Variants in GANC observed in about 807,000 individuals in gnomAD.
GANC encodes the protein neutral alpha-glucosidase C.
In GANC, 117 loss-of-function variants were observed where a neutral mutation model predicts 124.2. The observed-to-expected ratio is 0.94, with a 90% CI of 0.81 to 1.10. The LOEUF (loss-of-function observed/expected upper bound fraction) is 1.10. Among genes scored for constraint, GANC ranks in the 50% least tolerant of loss-of-function variants. The pLI is 0.00. For synonymous variants in GANC, 377 were observed against 376.8 expected (o/e 1.00, Z -0.01); for missense variants, 1,140 against 1,095.0 (o/e 1.04, Z -0.58).
At chr15:42,287,331 C>T (rs1195219109) in intron 3 of GANC, among the ~76,000 whole-genome samples, 1 of 152,202 alleles carries the variant, frequency 6.6e-6, no homozygotes. Flanking sequence ...CTTAATGTAT[C>T]TGTAGTTTAT....
chr15:42,352,450 G>C lies in GANC; in HGVS notation c.*311G>C, dbSNP rs115678421. 9.3e-7 allele frequency: 1 copy of C among 1,078,392 alleles called. No homozygotes were observed. The highest frequency in any genetic ancestry group is 4.4e-4 in the Middle Eastern group (1 of 2,268). The allele number at this position is 1,078,392 out of a possible 1,614,324, so 66.8% of individuals were successfully genotyped here. A position where few individuals can be genotyped will look rare whatever the true frequency, so the allele number is the denominator to read the frequency against. ...TCCTTCAGCAGGGCTGCGTGGGTCT[G>C]TTTTAACGTGGGCCAAGCCTACCTG... is the stretch of plus-strand genomic sequence containing the variant. On this transcript the variant is annotated 3_prime_UTR_variant, in exon 24 of 24. Transcript: ENST00000318010.
At chr15:42,347,183 AAAAAAAAAG>A (rs201373755) in intron 20 of GANC, among the ~76,000 whole-genome samples, 12,880 of 151,320 alleles carry the variant, frequency 0.085, 644 homozygotes, top group South Asian at 0.18. Flanking sequence ...TGAAAAAAAA[AAAAAAAAAG>A]AAGAGAGAGA....
At chr15:42,285,964 T>C (rs982309510) in intron 3 of GANC, among the ~76,000 whole-genome samples, 4 of 152,034 alleles carry the variant, frequency 2.6e-5, no homozygotes, top group African/African-American at 4.8e-5. Context: ...GGCTGCAGCC[T>C]CAGGAACAGA....
At chr15:42,335,515 A>C (rs552858135) in intron 15 of GANC, among the ~76,000 whole-genome samples, 8 of 152,336 alleles carry the variant, frequency 5.3e-5, no homozygotes, top group African/African-American at 1.9e-4. Flanking sequence ...CATCATACTA[A>C]ATGGGCAAAA....
At chr15:42,350,022 C>CTTTTTT (rs753077889) in intron 22 of GANC, among the ~76,000 whole-genome samples, 225 of 75,022 alleles carry the variant, frequency 3.0e-3, no homozygotes, top group Middle Eastern at 0.016. Flanking sequence ...CTTTCCCCCA[C>CTTTTTT]TTTTTTTTTT....
intron 18 of GANC, among the ~76,000 whole-genome samples, chr15:42,341,212 C>A (rs2052327541): frequency 6.6e-6 from 1 of 151,786 alleles, no homozygotes; most frequent in Admixed American, 6.6e-5. Context: ...ATTTCTAATG[C>A]ATTATTAGTA....
At chr15:42,332,994 G>A (rs189947544) in intron 15 of GANC, among the ~76,000 whole-genome samples, 61 of 149,454 alleles carry the variant, frequency 4.1e-4, no homozygotes, top group Admixed American at 2.7e-3. Context: ...CTCCAGCCTG[G>A]GCAACAAGAG....
chr15:42,296,691 A>C (rs7177193), intron 5 of GANC, among the ~76,000 whole-genome samples: 148,571 of 152,238 alleles, frequency 0.98, 72,567 homozygotes, highest in Non-Finnish European at 1. Context: ...CCGCACCCAG[A>C]CTCCTTGGGG....
At position 42,310,812 on chromosome 15, in the gene GANC, T is replaced by G. The variant is rs150733805; in HGVS notation, c.1023T>G (p.Pro341=). The G allele has an allele frequency of 3.1e-6, 5 of 1,614,026 alleles. No homozygotes were observed. The African/African-American group carries it at 6.7e-5, about 22-fold the overall frequency. Residue 341 remains proline (P), a synonymous_variant, in exon 10 of 24, where the codon CCT becomes CCG. Transcript: ENST00000318010. The part of the protein sequence containing the change: ...IDVFLLTGPT[P]SDVFKQYSHL... ...TTTTTCTGCTGACAGGACCTACACC[T>G]TCTGATGTCTTCAAACAGTACTCAC...
At chr15:42,284,060 G>A (rs1001323404) in intron 3 of GANC, 1 of 695,144 alleles carries the variant, frequency 1.4e-6, no homozygotes, top group Non-Finnish European at 2.6e-6. Context: ...GGTAGAGGTG[G>A]CCACTCACTG....
chr15:42,322,095 C>G (rs2052164136), intron 11 of GANC, 75 bp downstream of exon 11: 2 of 1,193,318 alleles, frequency 1.7e-6, no homozygotes, highest in South Asian at 2.9e-5. Flanking sequence ...CTTGGCACAT[C>G]AGTGGTGGAG....
chr15:42,320,470 A>G (rs949813598), intron 10 of GANC, among the ~76,000 whole-genome samples: 5 of 152,020 alleles, frequency 3.3e-5, no homozygotes, highest in Admixed American at 1.3e-4. Context: ...GAGTTTTGAG[A>G]CACAATCTCA....
chr15:42,276,535 C>T (rs778207859), intron 2 of GANC, 125 bp downstream of exon 2: 95 of 546,624 alleles, frequency 1.7e-4, no homozygotes, highest in Middle Eastern at 9.7e-4. Context: ...TTAAGGAAAT[C>T]ATCAGACAGG....
chr15:42,326,543 GC>G (rs2052200138), intron 12 of GANC, 119 bp downstream of exon 12: 42 of 1,490,402 alleles, frequency 2.8e-5, no homozygotes, highest in Non-Finnish European at 3.7e-5. Context: ...TACATTTTAA[GC>G]ATATAATTTA....
Position 42,351,994 on chromosome 15 carries a change from A to G in GANC, c.2636-36A>G, listed in dbSNP as rs775269813. 2.0e-5 allele frequency: 32 copies of G among 1,612,404 alleles called. No homozygotes were observed. In the Admixed American group the frequency reaches 2.7e-4, roughly 13 times the overall value. Reference sequence around the variant, plus strand: ...AAAGACTTTTCCCTTCTAGAGATTCATCAAAATTTCCCTCTTTTATTGTCT... The same window carrying G: ...AAAGACTTTTCCCTTCTAGAGATTCGTCAAAATTTCCCTCTTTTATTGTCT... On this transcript the variant is annotated intron_variant, in intron 23 of 23. Coordinates refer to ENST00000318010, the MANE Select transcript of GANC (RefSeq NM_198141.3).
At chr15:42,312,529 C>G (rs2052061342) in intron 10 of GANC, among the ~76,000 whole-genome samples, 2 of 152,202 alleles carry the variant, frequency 1.3e-5, no homozygotes, top group Non-Finnish European at 2.9e-5. Context: ...ACTGTAAGTT[C>G]TACAATTAAA....
At chr15:42,295,432 TAAC>T (rs1566951657) in intron 5 of GANC, among the ~76,000 whole-genome samples, 1 of 151,414 alleles carries the variant, frequency 6.6e-6, no homozygotes, top group East Asian at 1.9e-4. Context: ...CTCATAACAT[TAAC>T]AAAAATCAAT....
chr15:42,316,299 C>T (rs1484579153), intron 10 of GANC, among the ~76,000 whole-genome samples: 3 of 152,066 alleles, frequency 2.0e-5, no homozygotes, highest in Non-Finnish European at 2.9e-5. Flanking sequence ...CAGCTGGGCC[C>T]AGGGGACCAC....
Position 42,326,418 on chromosome 15 carries a change from T to G in GANC, c.1414T>G (p.Trp472Gly). Residue 472 changes from tryptophan to glycine, a missense_variant, in exon 12 of 24, where the codon TGG becomes GGG. Trp to Gly is a radical substitution (Grantham distance 184). Transcript: ENST00000318010. Reference protein sequence around the residue: ...QEGEDFEGVCWPGLSSYLDFT... With the variant: ...QEGEDFEGVCGPGLSSYLDFT... ...AGGGGAAGACTTTGAAGGGGTGTGTTGGCCAGGTATGAAATCACTTTATAC... is the reference window on the plus strand; with the variant it reads ...AGGGGAAGACTTTGAAGGGGTGTGTGGGCCAGGTATGAAATCACTTTATAC... The G allele has an allele frequency of 6.2e-7, 1 of 1,614,002 alleles. No individual in the cohort carries two copies.
Sources: allele counts gnomAD v4.1 joint callset (sites outside exome capture counted in the v4.1 genomes callset), GRCh38; gene constraint gnomAD v4.1.1; transcripts MANE v1.5; gene names NCBI Gene and HGNC (gene_info 2026-07-23, HGNC 2026-07-21).